The following HIP1 variants were observed in gnomAD, a reference collection of about 807,000 sequenced individuals.
HIP1 encodes huntingtin-interacting protein 1.
Under a neutral mutation model 147.6 loss-of-function variants are expected in HIP1, and 65 were observed. The observed-to-expected ratio is 0.44, with a 90% CI of 0.36 to 0.54. The LOEUF is 0.54. Ranked by LOEUF, HIP1 falls within the 20% of genes least tolerant of loss-of-function variation. The probability of loss-of-function intolerance (pLI) is 0.00; values close to 1 mark genes in which losing one functional copy is unlikely to be tolerated. For synonymous variants in HIP1, 479 were observed against 504.0 expected, an observed-to-expected ratio of 0.95 and a Z score of 0.67; for missense variants, 1,061 against 1,299.6, an observed-to-expected ratio of 0.82 and a Z score of 2.82.
chr7:75,562,280 A>C, intron 11 of HIP1, 110 bp from the exon 12 acceptor site: 1 of 726,238 alleles, frequency 1.4e-6, no homozygotes, highest in Non-Finnish European at 2.4e-6. Context: ...TAAACGGTTC[A>C]GACCTGTTTA....
At chr7:75,697,454 T>TA (rs1426831126) in intron 1 of HIP1, among the ~76,000 whole-genome samples, 4 of 151,412 alleles carry the variant, frequency 2.6e-5, no homozygotes, top group Non-Finnish European at 5.9e-5. Flanking sequence ...AATTTTTTAG[T>TA]AAAAAAAAAT....
At chr7:75,544,593 A>ACTCGGCCAAGTACTCTCTAT in intron 27 of HIP1, 102 bp downstream of exon 27, 1 of 747,358 alleles carries the variant, frequency 1.3e-6, no homozygotes, top group Non-Finnish European at 2.4e-6. Flanking sequence ...GTACTCTCTA[A>ACTCGGCCAAGTACTCTCTAT]CTCAGCCAAG....
chr7:75,655,054 A>C (rs1799106079), intron 1 of HIP1, among the ~76,000 whole-genome samples: 1 of 152,242 alleles, frequency 6.6e-6, no homozygotes, highest in East Asian at 1.9e-4. Context: ...GCATCTGCCC[A>C]AAAGAACTGA....
intron 1 of HIP1, among the ~76,000 whole-genome samples, chr7:75,697,484 T>C (rs992248765): frequency 2.0e-5 from 3 of 152,160 alleles, no homozygotes; most frequent in Non-Finnish European, 4.4e-5. Flanking sequence ...AACAAGTTTC[T>C]CCTGGATGTA....
chr7:75,555,225 A>G (rs1794952675), intron 19 of HIP1, among the ~76,000 whole-genome samples, 191 bp downstream of exon 19: 1 of 143,310 alleles, frequency 7.0e-6, no homozygotes, highest in African/African-American at 2.6e-5. Context: ...CTAAAATACT[A>G]GTGTATAGGC....
chr7:75,695,508 T>A (rs1361388286), intron 1 of HIP1, among the ~76,000 whole-genome samples: 1 of 152,172 alleles, frequency 6.6e-6, no homozygotes, highest in African/African-American at 2.4e-5. Context: ...TCCAACCCAA[T>A]GCAGTTGTAG....
At position 75,541,976 on chromosome 7, in the gene HIP1, G is replaced by A. The variant is rs1563188467; in HGVS notation, c.2895C>T (p.Asn965=). The change falls in exon 29 of 31, where the codon AAC becomes AAT. Residue 965 remains asparagine, a synonymous_variant. Transcript: ENST00000336926. ...TCAGCGTCATGCTTGAGAAGTCCATGTTGTCTGCAAGGATGGAAACAAGAA... is the reference window on the plus strand; with the variant it reads ...TCAGCGTCATGCTTGAGAAGTCCATATTGTCTGCAAGGATGGAAACAAGAA... ...SGKSQIEETD[N]MDFSSMTLTQ... is the part of the protein sequence containing the mutation. The A allele has an allele frequency of 1.2e-6, 2 of 1,613,662 alleles. No individual in the cohort carries two copies. The highest frequency in any genetic ancestry group is 1.3e-5 in the African/African-American group (1 of 75,050).
At chr7:75,601,458 G>A (rs1347660311) in intron 1 of HIP1, among the ~76,000 whole-genome samples, 1 of 151,720 alleles carries the variant, frequency 6.6e-6, no homozygotes, top group African/African-American at 2.4e-5. Context: ...GCGTGGTGAC[G>A]GGCGCCTGTA....
At chr7:75,714,451 T>C (rs1554520394) in intron 1 of HIP1, among the ~76,000 whole-genome samples, 3 of 118,248 alleles carry the variant, frequency 2.5e-5, no homozygotes, top group African/African-American at 1.1e-4. Flanking sequence ...TAACATCTTT[T>C]TTTCTTTTTT....
intron 1 of HIP1, among the ~76,000 whole-genome samples, chr7:75,693,010 C>T (rs1800512006): frequency 6.6e-6 from 1 of 151,642 alleles, no homozygotes; most frequent in Non-Finnish European, 1.5e-5. Flanking sequence ...ACCAAAAATA[C>T]AAAAACTAGC....
chr7:75,683,015 C>A (rs1800141650), intron 1 of HIP1, among the ~76,000 whole-genome samples: 1 of 151,916 alleles, frequency 6.6e-6, no homozygotes, highest in Non-Finnish European at 1.5e-5. Context: ...TGGAGTCTCG[C>A]TCTGTCGCCC....
chr7:75,730,891 C>T (rs1190653690), intron 1 of HIP1, among the ~76,000 whole-genome samples: 4 of 151,228 alleles, frequency 2.6e-5, no homozygotes, highest in Admixed American at 1.3e-4. Context: ...TGCACCACCA[C>T]GCCCAGCTAA....
chr7:75,661,275 TAA>T (rs35661628), intron 1 of HIP1, among the ~76,000 whole-genome samples: 22,367 of 135,686 alleles, frequency 0.16, 2,017 homozygotes, highest in Middle Eastern at 0.24. Context: ...GAGACCCTGT[TAA>T]AAAAAAAAAA....
chr7:75,570,922 A>C (rs937778440), intron 8 of HIP1, among the ~76,000 whole-genome samples: 2 of 152,078 alleles, frequency 1.3e-5, no homozygotes, highest in African/African-American at 4.8e-5. Context: ...AGGTAGGAGA[A>C]TTGCTTGAAC....
chr7:75,685,624 T>C (rs1800234932), intron 1 of HIP1, among the ~76,000 whole-genome samples: 1 of 152,204 alleles, frequency 6.6e-6, no homozygotes, highest in Non-Finnish European at 1.5e-5. Flanking sequence ...TCTCAGCTCA[T>C]TGCAGCCTCC....
chr7:75,549,654 G>A (rs782647152), intron 22 of HIP1, among the ~76,000 whole-genome samples: 4 of 150,874 alleles, frequency 2.7e-5, no homozygotes, highest in Non-Finnish European at 5.9e-5. Flanking sequence ...ACAGGTGTAA[G>A]CCACCACACC....
intron 1 of HIP1, among the ~76,000 whole-genome samples, chr7:75,700,744 C>T (rs1019319652): frequency 9.3e-5 from 14 of 151,060 alleles, no homozygotes; most frequent in Non-Finnish European, 1.9e-4. Context: ...CTTGCTCTGT[C>T]GCCCAGGCTG....
intron 1 of HIP1, among the ~76,000 whole-genome samples, chr7:75,612,536 C>T (rs947463962): frequency 1.3e-5 from 2 of 150,296 alleles, no homozygotes; most frequent in Admixed American, 6.7e-5. Flanking sequence ...AGGCTGGGCG[C>T]GGTGGCTCAT....
chr7:75,708,889 A>G (rs1030750638), intron 1 of HIP1, among the ~76,000 whole-genome samples: 1 of 152,070 alleles, frequency 6.6e-6, no homozygotes, highest in Non-Finnish European at 1.5e-5. Context: ...CTGTTTCTGC[A>G]AAAACATTAT....
Sources: allele counts gnomAD v4.1 joint callset (sites outside exome capture counted in the v4.1 genomes callset), GRCh38; gene constraint gnomAD v4.1.1; transcripts MANE v1.5; gene names NCBI Gene and HGNC (gene_info 2026-07-23, HGNC 2026-07-21).